The following H2AC4 variants were observed in gnomAD, a reference collection of about 807,000 sequenced individuals.
H2AC4 encodes H2A clustered histone 4, also known as histone H2A type 1-B/E.
Under a neutral mutation model 6.1 loss-of-function variants are expected in H2AC4, and 8 were observed. The observed-to-expected ratio is 1.31, with a 90% CI of 0.77 to 2.36. H2AC4 has a LOEUF of 2.36. Among genes scored for constraint, H2AC4 ranks in the 30% most tolerant of loss-of-function variants. The pLI, the probability that H2AC4 is intolerant of heterozygous loss-of-function variation, is 0.00. For synonymous variants in H2AC4, 129 were observed against 78.4 expected (o/e 1.64, Z -3.41); for missense variants, 260 against 180.4 (o/e 1.44, Z -2.53).
chr6:26,033,158 G>A lies in H2AC4; in HGVS notation c.*18C>T, dbSNP rs746136514. On this transcript the variant is annotated 3_prime_UTR_variant, in exon 1 of 1. Transcript: ENST00000615868. ...TGTCTGCTGACAGAAAAACAGCAGT[G>A]CATGAAGCGTTAACTCTTCACTTTC... 8.7e-6 allele frequency: 14 copies of A among 1,613,264 alleles called. No homozygotes were observed. The highest frequency in any genetic ancestry group is 4.4e-5 in the South Asian group (4 of 90,952).
In H2AC4 at chr6:26,033,116, T is replaced by C; in HGVS notation, c.*60A>G. 6.3e-7 allele frequency: 1 copy of C among 1,590,456 alleles called. No individual in the cohort carries two copies. The highest frequency in any genetic ancestry group is 1.4e-5 in the African/African-American group (1 of 73,426). On this transcript the variant is annotated 3_prime_UTR_variant, in exon 1 of 1. Transcript: ENST00000615868. ...CGTAGGTGGCTCTGAAAAGAGCCTTTGCTGTTAGGCTGATTTTGTCTGCTG... is the reference window on the plus strand; with the variant it reads ...CGTAGGTGGCTCTGAAAAGAGCCTTCGCTGTTAGGCTGATTTTGTCTGCTG...
rs199820035 is a variant in H2AC4, at chr6:26,033,395, G to C, written c.174C>G (p.Tyr58Ter). 6.2e-7 allele frequency: 1 copy of C among 1,613,898 alleles called. No homozygotes were observed. Among genetic ancestry groups the C allele is most frequent in the Non-Finnish European group, 8.5e-7 (1 of 1,179,960 alleles). Residue 58 changes from tyrosine to a stop codon, truncating the protein, a stop_gained, in exon 1 of 1, where the codon TAC (tyrosine) becomes TAG (stop). Coordinates refer to ENST00000615868, the MANE Select transcript of H2AC4 (RefSeq NM_003513.3). LOFTEE classifies it high-confidence loss of function. ...CCAGCTCCAGGATCTCGGCGGTCAG[G>C]TACTCAAGCACCGCCGCGAGATACA... ...APVYLAAVLE[Y>*]LTAEILELAG... is the part of the protein sequence containing the mutation.
In H2AC4 at chr6:26,033,108, A is replaced by G; in HGVS notation, c.*68T>C. The G allele has an allele frequency of 6.3e-7, 1 of 1,577,404 alleles. No individual in the cohort carries two copies. Among genetic ancestry groups the G allele is most frequent in the Non-Finnish European group, 8.6e-7 (1 of 1,161,466 alleles). On this transcript the variant is annotated 3_prime_UTR_variant, in exon 1 of 1. Coordinates refer to ENST00000615868, the MANE Select transcript of H2AC4 (RefSeq NM_003513.3). Reference sequence around the variant, plus strand: ...ATGGAAGTCGTAGGTGGCTCTGAAAAGAGCCTTTGCTGTTAGGCTGATTTT... The same window carrying G: ...ATGGAAGTCGTAGGTGGCTCTGAAAGGAGCCTTTGCTGTTAGGCTGATTTT...
chr6:26,033,534 C>A lies in H2AC4; in HGVS notation c.35G>T (p.Arg12Leu), dbSNP rs376552436. The change falls in exon 1 of 1, where the codon CGC becomes CTC. Residue 12 changes from arginine to leucine, a missense_variant. Transcript: ENST00000615868. ...AGAAGACCGAGTCTTAGCCTTGGCG[C>A]GAGCTTTACCGCCTTGTTTGCCGCG... ...SGRGKQGGKA[R>L]AKAKTRSSRA... 3.7e-6 allele frequency: 6 copies of A among 1,613,680 alleles called. No individual in the cohort carries two copies. The highest frequency in any genetic ancestry group is 5.1e-6 in the Non-Finnish European group (6 of 1,179,918).
Position 26,033,389 on chromosome 6 carries a change from G to A in H2AC4, c.180C>T (p.Thr60=), listed in dbSNP as rs147664123. 4,689 of 1,614,038 alleles carry A rather than the reference G, an allele frequency of 2.9e-3. 8 individuals are homozygous for A. Among genetic ancestry groups the A allele is most frequent in the Non-Finnish European group, 3.5e-3 (4,161 of 1,179,958 alleles). The change falls in exon 1 of 1, where the codon ACC becomes ACT. Residue 60 remains threonine (T), a synonymous_variant. Coordinates refer to ENST00000615868, the MANE Select transcript of H2AC4 (RefSeq NM_003513.3). ...VYLAAVLEYL[T]AEILELAGNA... The stretch of plus-strand genomic sequence containing the variant: ...TGCCCGCCAGCTCCAGGATCTCGGC[G>A]GTCAGGTACTCAAGCACCGCCGCGA...
At position 26,033,578 on chromosome 6, in the gene H2AC4, T is replaced by C. The variant is rs777104671; in HGVS notation, c.-10A>G. ...TGCCGCGACCAGACATAACTACTTC[T>C]GATAAGGGAAAATCGCCACAAGAAA... On this transcript the variant is annotated 5_prime_UTR_variant, in exon 1 of 1. Coordinates refer to ENST00000615868, the MANE Select transcript of H2AC4 (RefSeq NM_003513.3). 7.9e-6 allele frequency: 12 copies of C among 1,520,806 alleles called. No homozygotes were observed. Among genetic ancestry groups the C allele is most frequent in the East Asian group, 4.9e-5 (2 of 40,962 alleles). The allele number at this position is 1,520,806 out of a possible 1,614,324, so 94.2% of individuals were successfully genotyped here.
Position 26,033,524 on chromosome 6 carries a change from A to C in H2AC4, c.45T>G (p.Ala15=), listed in dbSNP as rs1401386654. The part of the protein sequence containing the change: ...GKQGGKARAK[A]KTRSSRAGLQ... The stretch of plus-strand genomic sequence containing the variant: ...AACCTGCACGAGAAGACCGAGTCTT[A>C]GCCTTGGCGCGAGCTTTACCGCCTT... Residue 15 remains alanine (A), a synonymous_variant, in exon 1 of 1, where the codon GCT becomes GCG. Transcript: ENST00000615868. The C allele has an allele frequency of 6.2e-7, 1 of 1,614,158 alleles. No homozygotes were observed.
Position 26,033,125 on chromosome 6 carries a change from G to A in H2AC4, c.*51C>T, listed in dbSNP as rs1271820480. On this transcript the variant is annotated 3_prime_UTR_variant, in exon 1 of 1. Transcript: ENST00000615868. Reference sequence around the variant, plus strand: ...CTCTGAAAAGAGCCTTTGCTGTTAGGCTGATTTTGTCTGCTGACAGAAAAA... The same window carrying A: ...CTCTGAAAAGAGCCTTTGCTGTTAGACTGATTTTGTCTGCTGACAGAAAAA... 4 of 1,600,038 alleles carry A rather than the reference G, an allele frequency of 2.5e-6. No individual in the cohort carries two copies. Among genetic ancestry groups the A allele is most frequent in the Non-Finnish European group, 3.4e-6 (4 of 1,174,992 alleles).
In H2AC4 at chr6:26,033,596, A is replaced by G; in HGVS notation, c.-28T>C. On this transcript the variant is annotated 5_prime_UTR_variant, in exon 1 of 1. Coordinates refer to ENST00000615868, the MANE Select transcript of H2AC4 (RefSeq NM_003513.3). ...CTACTTCTGATAAGGGAAAATCGCCACAAGAAAATGTAATGAAACTACATT... is the reference window on the plus strand; with the variant it reads ...CTACTTCTGATAAGGGAAAATCGCCGCAAGAAAATGTAATGAAACTACATT... The G allele has an allele frequency of 6.2e-7, 1 of 1,607,572 alleles. No homozygotes were observed. Among genetic ancestry groups the G allele is most frequent in the Non-Finnish European group, 8.5e-7 (1 of 1,177,900 alleles).
At position 26,033,580 on chromosome 6, in the gene H2AC4, A is replaced by C; in HGVS notation, c.-12T>G. 2 of 1,521,042 alleles carry C rather than the reference A, an allele frequency of 1.3e-6. No homozygotes were observed. Among genetic ancestry groups the C allele is most frequent in the Non-Finnish European group, 1.7e-6 (2 of 1,147,348 alleles). The allele number at this position is 1,521,042 out of a possible 1,614,324, so 94.2% of individuals were successfully genotyped here. The stretch of plus-strand genomic sequence containing the variant: ...CCGCGACCAGACATAACTACTTCTG[A>C]TAAGGGAAAATCGCCACAAGAAAAT... On this transcript the variant is annotated 5_prime_UTR_variant, in exon 1 of 1. Coordinates refer to ENST00000615868, the MANE Select transcript of H2AC4 (RefSeq NM_003513.3).
rs985288793 is a variant in H2AC4 at position 26,033,135 on chromosome 6, T to C, written c.*41A>G. On this transcript the variant is annotated 3_prime_UTR_variant, in exon 1 of 1. Transcript: ENST00000615868. ...AGCCTTTGCTGTTAGGCTGATTTTG[T>C]CTGCTGACAGAAAAACAGCAGTGCA... 2 of 1,603,270 alleles carry C rather than the reference T, an allele frequency of 1.2e-6. No individual in the cohort carries two copies. Among genetic ancestry groups the C allele is most frequent in the East Asian group, 2.2e-5 (1 of 44,848 alleles).
rs145481087 is a variant in H2AC4 at position 26,033,380 on chromosome 6, G to A, written c.189C>T (p.Ile63=). The A allele has an allele frequency of 6.8e-6, 11 of 1,614,038 alleles. No individual in the cohort carries two copies. Among genetic ancestry groups the A allele is most frequent in the Non-Finnish European group, 7.6e-6 (9 of 1,179,942 alleles). The change falls in exon 1 of 1, where the codon ATC becomes ATT. Residue 63 remains isoleucine (I), a synonymous_variant. Transcript: ENST00000615868. The part of the protein sequence containing the change: ...AAVLEYLTAE[I]LELAGNAARD... ...GGGCCGCATTGCCCGCCAGCTCCAG[G>A]ATCTCGGCGGTCAGGTACTCAAGCA...
Position 26,033,103 on chromosome 6 carries a change from T to C in H2AC4, c.*73A>G. 1.3e-6 allele frequency: 2 copies of C among 1,569,296 alleles called. No homozygotes were observed. The highest frequency in any genetic ancestry group is 1.7e-6 in the Non-Finnish European group (2 of 1,157,144). On this transcript the variant is annotated 3_prime_UTR_variant, in exon 1 of 1. Coordinates refer to ENST00000615868, the MANE Select transcript of H2AC4 (RefSeq NM_003513.3). ...ATTTAATGGAAGTCGTAGGTGGCTC[T>C]GAAAAGAGCCTTTGCTGTTAGGCTG... is the stretch of plus-strand genomic sequence containing the variant.
chr6:26,033,410 C>T lies in H2AC4; in HGVS notation c.159G>A (p.Ala53=), dbSNP rs368489925. Reference sequence around the variant, plus strand: ...CGGCGGTCAGGTACTCAAGCACCGCCGCGAGATACACCGGCGCGCCAGCCC... The same window carrying T: ...CGGCGGTCAGGTACTCAAGCACCGCTGCGAGATACACCGGCGCGCCAGCCC... ...RVGAGAPVYL[A]AVLEYLTAEI... Residue 53 remains alanine (A), a synonymous_variant, in exon 1 of 1, where the codon GCG becomes GCA. Coordinates refer to ENST00000615868, the MANE Select transcript of H2AC4 (RefSeq NM_003513.3). 3.7e-6 allele frequency: 6 copies of T among 1,614,014 alleles called. No homozygotes were observed. The highest frequency in any genetic ancestry group is 1.7e-5 in the Admixed American group (1 of 60,014).
At position 26,033,239 on chromosome 6, in the gene H2AC4, AG is replaced by A; in HGVS notation, c.329del (p.Pro110LeufsTer40). 6.2e-7 allele frequency: 1 copy of A among 1,614,192 alleles called. No individual in the cohort carries two copies. Among genetic ancestry groups the A allele is most frequent in the Non-Finnish European group, 8.5e-7 (1 of 1,180,026 alleles). ...TAGGCAGCAGCACCGCCTGAATATT[AG>A]GCAAAACGCCACCCTGCGCGATGGT... ...RVTIAQGGVL[P>X]NIQAVLLPKK... On this transcript the variant is annotated frameshift_variant, in exon 1 of 1. Coordinates refer to ENST00000615868, the MANE Select transcript of H2AC4 (RefSeq NM_003513.3). LOFTEE classifies it high-confidence loss of function.
Position 26,033,420 on chromosome 6 carries a change from A to C in H2AC4, c.149T>G (p.Val50Gly), listed in dbSNP as rs757744885. 14 of 1,613,882 alleles carry C rather than the reference A, an allele frequency of 8.7e-6. No homozygotes were observed. Among genetic ancestry groups the C allele is most frequent in the African/African-American group, 1.3e-5 (1 of 74,906 alleles). The change falls in exon 1 of 1, where the codon GTG (valine) becomes GGG (glycine). Residue 50 changes from valine to glycine, a missense_variant. Val to Gly is a moderately radical substitution (Grantham distance 109). Transcript: ENST00000615868. ...GTACTCAAGCACCGCCGCGAGATAC[A>C]CCGGCGCGCCAGCCCCGACGCGCTC... ...YSERVGAGAP[V>G]YLAAVLEYLT...
chr6:26,033,296 G>A lies in H2AC4; in HGVS notation c.273C>T (p.Asp91=), dbSNP rs757144771. 9.9e-6 allele frequency: 16 copies of A among 1,613,996 alleles called. No individual in the cohort carries two copies. Among genetic ancestry groups the A allele is most frequent in the Non-Finnish European group, 1.1e-5 (13 of 1,180,038 alleles). ...GCCCCAAGAGTTTATTAAGCTCCTC[G>A]TCATTGCGGATGGCCAATTGCAGGT... ...PRHLQLAIRN[D]EELNKLLGRV... is the part of the protein sequence containing the mutation. The change falls in exon 1 of 1, where the codon GAC becomes GAT. Residue 91 remains aspartate (D), a synonymous_variant. Coordinates refer to ENST00000615868, the MANE Select transcript of H2AC4 (RefSeq NM_003513.3).
chr6:26,033,501 C>G lies in H2AC4; in HGVS notation c.68G>C (p.Gly23Ala), dbSNP rs1359759060. Reference sequence around the variant, plus strand: ...CACTCGGCCCACAGGAAACTGCAAACCTGCACGAGAAGACCGAGTCTTAGC... The same window carrying G: ...CACTCGGCCCACAGGAAACTGCAAAGCTGCACGAGAAGACCGAGTCTTAGC... ...AKAKTRSSRAGLQFPVGRVHR... is the reference protein window; with the variant it reads ...AKAKTRSSRAALQFPVGRVHR... The change falls in exon 1 of 1, where the codon GGT (glycine) becomes GCT (alanine). Residue 23 changes from glycine (G) to alanine (A), a missense_variant. Transcript: ENST00000615868. The G allele has an allele frequency of 2.5e-6, 4 of 1,614,122 alleles. No homozygotes were observed. The highest frequency in any genetic ancestry group is 1.3e-5 in the African/African-American group (1 of 74,942).
chr6:26,033,429 C>T lies in H2AC4; in HGVS notation c.140G>A (p.Gly47Asp). 6.2e-7 allele frequency: 1 copy of T among 1,614,138 alleles called. No homozygotes were observed. The highest frequency in any genetic ancestry group is 8.5e-7 in the Non-Finnish European group (1 of 1,180,006). The change falls in exon 1 of 1, where the codon GGC becomes GAC. Residue 47 changes from glycine to aspartate, a missense_variant. Gly to Asp is a moderately conservative substitution (Grantham distance 94). Transcript: ENST00000615868. ...KGNYSERVGA[G>D]APVYLAAVLE... Reference sequence around the variant, plus strand: ...CACCGCCGCGAGATACACCGGCGCGCCAGCCCCGACGCGCTCGGAGTAGTT... The same window carrying T: ...CACCGCCGCGAGATACACCGGCGCGTCAGCCCCGACGCGCTCGGAGTAGTT...
Sources: allele counts gnomAD v4.1 joint callset, GRCh38; gene constraint gnomAD v4.1.1; transcripts MANE v1.5; gene names NCBI Gene and HGNC (gene_info 2026-07-23, HGNC 2026-07-21).